Variants in HTR1F observed in about 807,000 individuals in gnomAD.
The protein encoded by HTR1F is 5-hydroxytryptamine receptor 1F.
A neutral mutation model predicts 24.0 loss-of-function variants in HTR1F; 17 were observed. The ratio of observed to expected loss-of-function variants is 0.71; its 90% confidence interval spans 0.48 to 1.06. The LOEUF (loss-of-function observed/expected upper bound fraction) is 1.06, where lower values mean the gene tolerates loss of function less well. Among genes scored for constraint, HTR1F ranks in the 50% least tolerant of loss-of-function variants. The pLI is 0.00. For missense variants in HTR1F, 391 were observed against 427.8 expected (o/e 0.91, Z 0.76); for synonymous variants, 186 against 156.8 (o/e 1.19, Z -1.39).
At chr3:87,971,029 C>G (rs913343088) in intron 2 of HTR1F, among the ~76,000 whole-genome samples, 1 of 152,198 alleles carries the variant, frequency 6.6e-6, no homozygotes, top group Non-Finnish European at 1.5e-5. Flanking sequence ...TCCCCTTCCA[C>G]AGATGACACT....
At chr3:87,869,965 G>C (rs1258477721) in intron 2 of HTR1F, among the ~76,000 whole-genome samples, 2 of 151,934 alleles carry the variant, frequency 1.3e-5, no homozygotes, top group South Asian at 2.1e-4. Flanking sequence ...ACAATTCTCA[G>C]TTTGCTAACC....
intron 1 of HTR1F, among the ~76,000 whole-genome samples, chr3:87,795,568 G>A (rs1703890709): frequency 6.6e-6 from 1 of 152,124 alleles, no homozygotes; most frequent in African/African-American, 2.4e-5. Flanking sequence ...CTGGTTGTTA[G>A]CTGAAAGCAC....
intron 2 of HTR1F, among the ~76,000 whole-genome samples, chr3:87,929,248 G>A (rs1576044402): frequency 6.6e-6 from 1 of 152,164 alleles, no homozygotes; most frequent in African/African-American, 2.4e-5. Flanking sequence ...CACTAGTAGA[G>A]AAAATGCAGT....
intron 2 of HTR1F, among the ~76,000 whole-genome samples, chr3:87,958,472 A>G (rs1188112457): frequency 6.6e-6 from 1 of 151,616 alleles, no homozygotes; most frequent in Non-Finnish European, 1.5e-5. Flanking sequence ...CTCATTAAAA[A>G]CATGTAAAAC....
chr3:87,908,559 T>C (rs1168507085), intron 2 of HTR1F, among the ~76,000 whole-genome samples: 1 of 152,080 alleles, frequency 6.6e-6, no homozygotes, highest in East Asian at 1.9e-4. Context: ...GAGATTATAA[T>C]GTAGTTTCTG....
rs142177361 is a variant in HTR1F at position 87,895,856 on chromosome 3, G to T, written c.-43+73732G>T. On this transcript the variant is annotated intron_variant, in intron 2 of 2. Coordinates refer to ENST00000319595, the MANE Select transcript of HTR1F (RefSeq NM_001322209.2). ...ATAACATTTGATACAGGTAAGATAA[G>T]AGTTAATAGCTCTGGAACCAAAAAA... 9.7e-4 allele frequency among the ~76,000 whole-genome samples: 148 copies of T among 152,254 alleles called. No homozygotes were observed. In the East Asian group the frequency reaches 0.026, roughly 27 times the overall value.
intron 2 of HTR1F, among the ~76,000 whole-genome samples, chr3:87,891,833 T>G (rs1244686736): frequency 6.6e-6 from 1 of 152,200 alleles, no homozygotes; most frequent in African/African-American, 2.4e-5. Context: ...CAGACATAAT[T>G]ATTTCCGTGA....
intron 2 of HTR1F, among the ~76,000 whole-genome samples, chr3:87,931,029 T>TA (rs1704253015): frequency 2.0e-5 from 1 of 49,394 alleles, no homozygotes; most frequent in Non-Finnish European, 3.8e-5. Context: ...GTCTTTCCTT[T>TA]TTTTTTTTTT....
chr3:87,860,113 G>C (rs1217468551), intron 2 of HTR1F, among the ~76,000 whole-genome samples: 1 of 152,124 alleles, frequency 6.6e-6, no homozygotes, highest in African/African-American at 2.4e-5. Flanking sequence ...CATAGATATA[G>C]AATTTTGCTG....
At chr3:87,949,917 G>A (rs745517146) in intron 2 of HTR1F, among the ~76,000 whole-genome samples, 2 of 152,196 alleles carry the variant, frequency 1.3e-5, no homozygotes, top group South Asian at 2.1e-4. Flanking sequence ...AAGGAAAGAG[G>A]TTTATTTAAC....
chr3:87,824,377 G>A (rs906824968), intron 2 of HTR1F, among the ~76,000 whole-genome samples: 1 of 152,038 alleles, frequency 6.6e-6, no homozygotes, highest in African/African-American at 2.4e-5. Context: ...CGACATGATT[G>A]GATCCCTGGC....
At chr3:87,928,319 A>G (rs1704177652) in intron 2 of HTR1F, among the ~76,000 whole-genome samples, 1 of 152,180 alleles carries the variant, frequency 6.6e-6, no homozygotes, top group Non-Finnish European at 1.5e-5. Flanking sequence ...GTGCTGGATT[A>G]CAGGCACGAG....
At chr3:87,848,996 T>C (rs1158792317) in intron 2 of HTR1F, among the ~76,000 whole-genome samples, 1 of 151,458 alleles carries the variant, frequency 6.6e-6, no homozygotes, top group African/African-American at 2.4e-5. Context: ...TGCTCATGGG[T>C]AGGAAGAATC....
At chr3:87,946,927 T>C (rs904400166) in intron 2 of HTR1F, among the ~76,000 whole-genome samples, 5 of 152,106 alleles carry the variant, frequency 3.3e-5, no homozygotes, top group African/African-American at 1.2e-4. Flanking sequence ...GCCCAGCCCA[T>C]ATATATTATT....
At chr3:87,906,718 A>G (rs2107339180) in intron 2 of HTR1F, among the ~76,000 whole-genome samples, 1 of 150,408 alleles carries the variant, frequency 6.6e-6, no homozygotes, top group African/African-American at 2.4e-5. Context: ...CGGGTCCCCA[A>G]AGTTCATTGT....
chr3:87,859,611 G>A (rs996313663), intron 2 of HTR1F, among the ~76,000 whole-genome samples: 3 of 152,210 alleles, frequency 2.0e-5, no homozygotes, highest in Non-Finnish European at 4.4e-5. Flanking sequence ...AACTTAAAAA[G>A]CTGCTGAAGG....
intron 2 of HTR1F, among the ~76,000 whole-genome samples, chr3:87,970,466 T>C (rs1705261888): frequency 6.6e-6 from 1 of 152,334 alleles, no homozygotes; most frequent in Non-Finnish European, 1.5e-5. Flanking sequence ...AAAGTGGGAA[T>C]GTACATGAGA....
At chr3:87,816,348 TA>T (rs1704250395) in intron 1 of HTR1F, among the ~76,000 whole-genome samples, 2 of 152,262 alleles carry the variant, frequency 1.3e-5, no homozygotes, top group South Asian at 4.1e-4. Context: ...TTCTGTGTTT[TA>T]TAGGATTTGT....
intron 2 of HTR1F, among the ~76,000 whole-genome samples, chr3:87,917,629 C>A (rs76868929): frequency 0.09 from 13,630 of 151,860 alleles, 656 homozygotes; most frequent in African/African-American, 0.12. Flanking sequence ...TGAATAAATT[C>A]TTGGAAAGAT....
Sources: allele counts gnomAD v4.1 joint callset (sites outside exome capture counted in the v4.1 genomes callset), GRCh38; gene constraint gnomAD v4.1.1; transcripts MANE v1.5; gene names NCBI Gene and HGNC (gene_info 2026-07-23, HGNC 2026-07-21).